Variants in CADPS2 observed in about 807,000 individuals in gnomAD.
The protein encoded by CADPS2 is calcium dependent secretion activator 2.
CADPS2 carries 93 observed loss-of-function variants against 172.5 expected under a neutral mutation model. The ratio of observed to expected loss-of-function variants is 0.54; its 90% CI spans 0.46 to 0.64. The LOEUF is 0.64. CADPS2 is among the 30% of genes least tolerant of loss of function. The probability of loss-of-function intolerance (pLI) is 0.00; values close to 1 mark genes in which losing one functional copy is unlikely to be tolerated. For synonymous variants in CADPS2, 546 were observed against 555.2 expected, an observed-to-expected ratio of 0.98 and a Z score of 0.23; for missense variants, 1,420 against 1,565.9, an observed-to-expected ratio of 0.91 and a Z score of 1.57.
intron 1 of CADPS2, among the ~76,000 whole-genome samples, chr7:122,743,345 C>T (rs1042174643): frequency 6.6e-6 from 1 of 152,104 alleles, no homozygotes; most frequent in African/African-American, 2.4e-5. Flanking sequence ...AGATTTCATC[C>T]TTTTCATTCT....
intron 1 of CADPS2, among the ~76,000 whole-genome samples, chr7:122,870,881 G>A (rs1819580526): frequency 6.6e-6 from 1 of 151,986 alleles, no homozygotes; most frequent in South Asian, 2.1e-4. Flanking sequence ...ATGCTTTATA[G>A]CAGGGAACAT....
At chr7:122,803,592 A>C (rs982464927) in intron 1 of CADPS2, among the ~76,000 whole-genome samples, 13 of 152,184 alleles carry the variant, frequency 8.5e-5, no homozygotes, top group African/African-American at 2.4e-5. Context: ...GTGGCTTGGC[A>C]GCTCATGCCT....
chr7:122,713,290 C>T (rs908210532), intron 2 of CADPS2, among the ~76,000 whole-genome samples: 2 of 103,044 alleles, frequency 1.9e-5, no homozygotes, highest in African/African-American at 7.5e-5. Context: ...TTAAGCCAGA[C>T]TGCCTGAGTT....
intron 7 of CADPS2, among the ~76,000 whole-genome samples, chr7:122,576,778 T>G (rs1318077397): frequency 6.6e-6 from 1 of 151,320 alleles, no homozygotes; most frequent in Non-Finnish European, 1.5e-5. Context: ...ATCTGATTTT[T>G]TTTTTTTTTT....
At chr7:122,839,857 T>C (rs1242166708) in intron 1 of CADPS2, among the ~76,000 whole-genome samples, 2 of 152,214 alleles carry the variant, frequency 1.3e-5, no homozygotes, top group Non-Finnish European at 2.9e-5. Flanking sequence ...TCAACCATTG[T>C]GGAAGACAGT....
chr7:122,685,113 A>C (rs922763507), intron 2 of CADPS2, among the ~76,000 whole-genome samples: 4 of 152,162 alleles, frequency 2.6e-5, no homozygotes, highest in Admixed American at 2.6e-4. Flanking sequence ...TTAATCCCAG[A>C]ATCTGATTCC....
At chr7:122,450,825 G>A (rs2052995592) in intron 15 of CADPS2, among the ~76,000 whole-genome samples, 1 of 152,090 alleles carries the variant, frequency 6.6e-6, no homozygotes, top group African/African-American at 2.4e-5. Flanking sequence ...ATGAGACTCT[G>A]TGACTGGCTG....
intron 25 of CADPS2, among the ~76,000 whole-genome samples, chr7:122,369,140 C>G (rs1341075135): frequency 9.1e-5 from 8 of 87,972 alleles, no homozygotes; most frequent in Admixed American, 1.3e-4. Flanking sequence ...CCCCCCCCCC[C>G]CCTTTTTTTT....
At chr7:122,437,889 G>A (rs1162502703) in intron 17 of CADPS2, among the ~76,000 whole-genome samples, 3 of 151,234 alleles carry the variant, frequency 2.0e-5, no homozygotes, top group Non-Finnish European at 4.4e-5. Flanking sequence ...AAAAACCGAA[G>A]GAAGTTCTAT....
chr7:122,325,892 A>G (rs549048861), intron 28 of CADPS2, among the ~76,000 whole-genome samples: 1 of 152,200 alleles, frequency 6.6e-6, no homozygotes, highest in African/African-American at 2.4e-5. Flanking sequence ...TGTAAATAAC[A>G]AAGGATCCTA....
chr7:122,477,108 C>T (rs2056789520), intron 12 of CADPS2, among the ~76,000 whole-genome samples: 1 of 148,580 alleles, frequency 6.7e-6, no homozygotes. Context: ...GGTAGATAGG[C>T]TGTGTTTCAA....
chr7:122,499,375 TGTA>T lies in CADPS2; in HGVS notation c.1543-7958_1543-7956del, dbSNP rs1427622834. ...CACTAATTTCAAACTCCAGCACTAT[TGTA>T]GCCACAATGTCAACTCACAATCATA... On this transcript the variant is annotated intron_variant, in intron 9 of 29. Coordinates refer to ENST00000449022, the MANE Select transcript of CADPS2 (RefSeq NM_017954.11). Among the ~76,000 whole-genome samples, 18 of 152,348 alleles carry T rather than the reference TGTA, an allele frequency of 1.2e-4. 1 individual carries two copies. In the East Asian group the frequency reaches 3.5e-3, roughly 29 times the overall value.
chr7:122,320,828 T>C (rs2032294796), intron 29 of CADPS2, among the ~76,000 whole-genome samples: 1 of 152,190 alleles, frequency 6.6e-6, no homozygotes, highest in South Asian at 2.1e-4. Context: ...TTTCAGCATT[T>C]CAGTGAATTA....
At chr7:122,794,834 T>C (rs1435422657) in intron 1 of CADPS2, among the ~76,000 whole-genome samples, 1 of 150,878 alleles carries the variant, frequency 6.6e-6, no homozygotes, top group Non-Finnish European at 1.5e-5. Flanking sequence ...AACCATACAA[T>C]TAGATGGAAA....
intron 7 of CADPS2, among the ~76,000 whole-genome samples, chr7:122,559,009 GA>G (rs1418988795): frequency 3.9e-5 from 6 of 152,090 alleles, no homozygotes; most frequent in African/African-American, 9.7e-5. Flanking sequence ...TTAGCTTAGA[GA>G]AAGGAAAAAA....
At chr7:122,864,953 T>C (rs1325707578) in intron 1 of CADPS2, among the ~76,000 whole-genome samples, 1 of 151,992 alleles carries the variant, frequency 6.6e-6, no homozygotes, top group African/African-American at 2.4e-5. Context: ...ATCACTTCTG[T>C]TTGTATGTTT....
At chr7:122,767,012 A>G (rs1413013048) in intron 1 of CADPS2, among the ~76,000 whole-genome samples, 1 of 152,206 alleles carries the variant, frequency 6.6e-6, no homozygotes, top group African/African-American at 2.4e-5. Context: ...ACACATGTCT[A>G]GCACTTATTA....
At chr7:122,606,229 G>T (rs2073518951) in intron 6 of CADPS2, among the ~76,000 whole-genome samples, 1 of 152,174 alleles carries the variant, frequency 6.6e-6, no homozygotes, top group Admixed American at 6.5e-5. Flanking sequence ...TAAAACCTGA[G>T]TTAAGTGAGA....
At chr7:122,412,027 G>A (rs995809516) in intron 19 of CADPS2, among the ~76,000 whole-genome samples, 5 of 152,136 alleles carry the variant, frequency 3.3e-5, no homozygotes, top group African/African-American at 1.2e-4. Flanking sequence ...AACATTTTTG[G>A]TAGAGCATTC....
Sources: allele counts gnomAD v4.1 joint callset (sites outside exome capture counted in the v4.1 genomes callset), GRCh38; gene constraint gnomAD v4.1.1; transcripts MANE v1.5; gene names NCBI Gene and HGNC (gene_info 2026-07-23, HGNC 2026-07-21).